The following PHLDB2 variants were observed in gnomAD, a reference collection of about 807,000 sequenced individuals.
PHLDB2 encodes pleckstrin homology like domain family B member 2, also known as pleckstrin homology-like domain family B member 2.
A neutral mutation model predicts 123.6 loss-of-function variants in PHLDB2; 71 were observed. The ratio of observed to expected loss-of-function variants is 0.57; its 90% CI spans 0.47 to 0.70. The LOEUF (loss-of-function observed/expected upper bound fraction) is 0.70. PHLDB2 is among the 30% of genes least tolerant of loss of function. The pLI, the probability that PHLDB2 is intolerant of heterozygous loss-of-function variation, is 0.00. For missense variants in PHLDB2, 1,446 were observed against 1,519.5 expected, an observed-to-expected ratio of 0.95 and a Z score of 0.80; for synonymous variants, 547 against 541.6, an observed-to-expected ratio of 1.01 and a Z score of -0.14.
chr3:111,912,883 G>A (rs372830254), intron 2 of PHLDB2, among the ~76,000 whole-genome samples: 1 of 152,220 alleles, frequency 6.6e-6, no homozygotes, highest in Non-Finnish European at 1.5e-5. Flanking sequence ...GGAGGCTGAG[G>A]CAGGAGGATC....
intron 2 of PHLDB2, among the ~76,000 whole-genome samples, chr3:111,889,251 G>C (rs2066341333): frequency 6.6e-6 from 1 of 152,146 alleles, no homozygotes; most frequent in Admixed American, 6.5e-5. Context: ...ATGAAACAAG[G>C]AAAAGATGTG....
In PHLDB2 at chr3:111,776,046, G is replaced by A. The variant is rs181507228; in HGVS notation, c.-49+43343G>A. Among the ~76,000 whole-genome samples, 68 of 152,192 alleles carry A rather than the reference G, an allele frequency of 4.5e-4. No homozygotes were observed. The East Asian group carries it at 0.013, about 28-fold the overall frequency. ...AGGCAAGAGATTCTTAAGCATAGTGGGACAATACAGAGCAAGCTTCTGGGC... is the reference window on the plus strand; with the variant it reads ...AGGCAAGAGATTCTTAAGCATAGTGAGACAATACAGAGCAAGCTTCTGGGC... On this transcript the variant is annotated intron_variant, in intron 1 of 17. Coordinates refer to the PHLDB2 transcript ENST00000393923.
At chr3:111,873,112 G>A (rs1372737925) in intron 1 of PHLDB2, among the ~76,000 whole-genome samples, 1 of 152,154 alleles carries the variant, frequency 6.6e-6, no homozygotes, top group Non-Finnish European at 1.5e-5. Flanking sequence ...AAGAAATGGT[G>A]CATGGCTGTT....
At chr3:111,812,176 T>C (rs113387857) in intron 1 of PHLDB2, among the ~76,000 whole-genome samples, 317 of 152,350 alleles carry the variant, frequency 2.1e-3, no homozygotes, top group African/African-American at 7.2e-3. Flanking sequence ...TTACAGACTA[T>C]TTCTTTTTCT....
chr3:111,818,959 T>C (rs1442976827), intron 1 of PHLDB2, among the ~76,000 whole-genome samples: 1 of 152,156 alleles, frequency 6.6e-6, no homozygotes, highest in Non-Finnish European at 1.5e-5. Flanking sequence ...ATGTCATCAA[T>C]TGGGTGGCTT....
intron 1 of PHLDB2, among the ~76,000 whole-genome samples, chr3:111,835,923 C>A (rs1244085567): frequency 6.6e-6 from 1 of 152,170 alleles, no homozygotes; most frequent in East Asian, 1.9e-4. Context: ...AGCATAGCAT[C>A]ACTTCCACTA....
intron 2 of PHLDB2, among the ~76,000 whole-genome samples, chr3:111,909,686 C>A (rs1436391095): frequency 6.6e-6 from 1 of 151,814 alleles, no homozygotes; most frequent in Non-Finnish European, 1.5e-5. Flanking sequence ...AGTTAGTAGA[C>A]CTTTGTTGAA....
intron 1 of PHLDB2, among the ~76,000 whole-genome samples, chr3:111,761,093 G>A (rs2059984752): frequency 6.6e-6 from 1 of 151,248 alleles, no homozygotes; most frequent in Non-Finnish European, 1.5e-5. Flanking sequence ...GCTGAGGAAG[G>A]AGAATCACCT....
intron 13 of PHLDB2, 94 bp downstream of exon 13, chr3:111,962,406 A>G: frequency 8.5e-7 from 1 of 1,171,378 alleles, no homozygotes; most frequent in Middle Eastern, 2.1e-4. Flanking sequence ...TATATGCACA[A>G]GCCCAAATTT....
chr3:111,883,811 G>A (rs758528258), intron 1 of PHLDB2, among the ~76,000 whole-genome samples: 2 of 152,150 alleles, frequency 1.3e-5, no homozygotes, highest in Non-Finnish European at 2.9e-5. Flanking sequence ...TACTTGGTTA[G>A]GGATTTGTTT....
chr3:111,748,715 T>C (rs2107954513), intron 1 of PHLDB2, among the ~76,000 whole-genome samples: 1 of 152,088 alleles, frequency 6.6e-6, no homozygotes, highest in African/African-American at 2.4e-5. Context: ...AAAGACGGGG[T>C]TTCACCATGT....
chr3:111,911,815 A>C (rs541315835), intron 2 of PHLDB2: 1 of 1,043,686 alleles, frequency 9.6e-7, no homozygotes, highest in African/African-American at 1.6e-5. Context: ...TAGAGGGCAA[A>C]TGTAAGTCAG....
intron 2 of PHLDB2, among the ~76,000 whole-genome samples, chr3:111,894,902 G>A (rs1396429681): frequency 6.6e-6 from 1 of 151,626 alleles, no homozygotes; most frequent in Non-Finnish European, 1.5e-5. Context: ...AATAAAGCAA[G>A]GACTTTCTCT....
At position 111,966,662 on chromosome 3, in the gene PHLDB2, A is replaced by G; in HGVS notation, c.3127A>G (p.Lys1043Glu). ...AATAGAAGAAATGGAGAGACTTTTG[A>G]AGCAGGCTCATGCAGAAAAGACGCG... The part of the protein sequence containing the change: ...ARIEEMERLL[K>E]QAHAEKTRLL... Residue 1043 changes from lysine (K) to glutamate (E), a missense_variant, in exon 14 of 18, where the codon AAG (lysine) becomes GAG (glutamate). This residue lies in a region of PHLDB2 where 594 missense variants were observed against 646.0 expected (regional missense o/e 0.92). Coordinates refer to ENST00000431670, the MANE Select transcript of PHLDB2 (RefSeq NM_001134438.2). The G allele has an allele frequency of 6.2e-7, 1 of 1,613,544 alleles. No individual in the cohort carries two copies. Among genetic ancestry groups the G allele is most frequent in the Non-Finnish European group, 8.5e-7 (1 of 1,179,692 alleles).
intron 1 of PHLDB2, among the ~76,000 whole-genome samples, chr3:111,822,291 A>ATGTGTGTG: frequency 1.1e-5 from 1 of 87,118 alleles, no homozygotes; most frequent in East Asian, 4.0e-4. Context: ...CTCTATCTTT[A>ATGTGTGTG]TGTATGTGTG....
intron 2 of PHLDB2, among the ~76,000 whole-genome samples, chr3:111,900,943 T>C (rs1017679074): frequency 1.8e-4 from 28 of 152,078 alleles, no homozygotes; most frequent in Non-Finnish European, 3.5e-4. Context: ...TCTATGTTGA[T>C]GAGGCTGGCT....
intron 1 of PHLDB2, among the ~76,000 whole-genome samples, chr3:111,861,858 T>C (rs2064850055): frequency 6.6e-6 from 1 of 152,216 alleles, no homozygotes; most frequent in African/African-American, 2.4e-5. Flanking sequence ...AAAGCTCCAT[T>C]TTGAGATCTA....
At chr3:111,871,886 A>T (rs2065358273) in intron 1 of PHLDB2, among the ~76,000 whole-genome samples, 1 of 152,242 alleles carries the variant, frequency 6.6e-6, no homozygotes, top group African/African-American at 2.4e-5. Context: ...AAGAACTTTT[A>T]AAAATGATCC....
intron 1 of PHLDB2, among the ~76,000 whole-genome samples, chr3:111,780,331 GAAGAAGAAGAAGAAGAA>G (rs2060381602): frequency 9.6e-5 from 1 of 10,442 alleles, no homozygotes; most frequent in African/African-American, 1.4e-4. Context: ...GGAAGAAGAA[GAAGAAGAAGAAGAAGAA>G]GAAGAAGAAG....
Sources: gnomAD v4.1 joint callset for allele counts (sites outside exome capture counted in the v4.1 genomes callset) on GRCh38, gnomAD v4.1.1 for gene constraint, gnomAD v4.1.1 regional missense constraint, MANE v1.5 for transcripts, NCBI Gene and HGNC (gene_info 2026-07-23, HGNC 2026-07-21) for gene names.